HPSE2: variants seen among roughly 807,000 people sequenced by gnomAD.
HPSE2 encodes heparanase 2 (inactive), also known as inactive heparanase-2.
In HPSE2, 38 loss-of-function variants were observed where a neutral mutation model predicts 60.5. The observed-to-expected ratio is 0.63, with a 90% CI of 0.48 to 0.82. The LOEUF is 0.82. Ranked by LOEUF, HPSE2 falls within the 40% of genes least tolerant of loss-of-function variation. The pLI is 0.00. For missense variants in HPSE2, 713 were observed against 740.4 expected (o/e 0.96, Z 0.43); for synonymous variants, 295 against 293.2 (o/e 1.01, Z -0.06).
intron 9 of HPSE2, among the ~76,000 whole-genome samples, chr10:98,567,387 G>A (rs778993005): frequency 6.6e-6 from 1 of 152,154 alleles, no homozygotes; most frequent in Non-Finnish European, 1.5e-5. Context: ...CATATGAGGT[G>A]AGAGATTTGG....
intron 9 of HPSE2, among the ~76,000 whole-genome samples, chr10:98,610,279 A>G (rs955514622): frequency 6.6e-6 from 1 of 152,112 alleles, no homozygotes; most frequent in Non-Finnish European, 1.5e-5. Flanking sequence ...TGTCTCTAAC[A>G]CTTTGGAGGG....
At chr10:98,775,053 G>C (rs1030344286) in intron 3 of HPSE2, among the ~76,000 whole-genome samples, 1 of 152,156 alleles carries the variant, frequency 6.6e-6, no homozygotes, top group Non-Finnish European at 1.5e-5. Flanking sequence ...CTGAGTCCTG[G>C]CTCTTTTCTC....
At chr10:99,110,913 G>A (rs140060488) in intron 3 of HPSE2, among the ~76,000 whole-genome samples, 1 of 152,196 alleles carries the variant, frequency 6.6e-6, no homozygotes, top group East Asian at 1.9e-4. Flanking sequence ...TTAGGTCTAT[G>A]ATCCATTTTA....
intron 9 of HPSE2, among the ~76,000 whole-genome samples, chr10:98,597,378 T>G (rs1212350499): frequency 6.6e-6 from 1 of 152,008 alleles, no homozygotes; most frequent in East Asian, 1.9e-4. Context: ...AATTAAAAAA[T>G]TTGTGGCCAT....
intron 4 of HPSE2, among the ~76,000 whole-genome samples, chr10:98,723,917 T>C (rs1450537723): frequency 6.6e-6 from 1 of 152,218 alleles, no homozygotes; most frequent in Non-Finnish European, 1.5e-5. Flanking sequence ...AAAAACCAGC[T>C]CCTGGATTCA....
intron 9 of HPSE2, among the ~76,000 whole-genome samples, chr10:98,599,334 C>T (rs1271103790): frequency 6.6e-6 from 1 of 152,178 alleles, no homozygotes; most frequent in Non-Finnish European, 1.5e-5. Flanking sequence ...TTGAACGGTG[C>T]TATCCTGATG....
chr10:98,655,828 A>G (rs1039852819), intron 6 of HPSE2, among the ~76,000 whole-genome samples: 8 of 152,270 alleles, frequency 5.3e-5, no homozygotes, highest in African/African-American at 1.9e-4. Context: ...GGCACATGTG[A>G]TACACATGTG....
intron 7 of HPSE2, among the ~76,000 whole-genome samples, chr10:98,622,354 G>C (rs1020302161): frequency 1.1e-4 from 17 of 152,288 alleles, no homozygotes; most frequent in African/African-American, 4.1e-4. Flanking sequence ...GATTATATAA[G>C]AGAGAGGTGA....
At chr10:98,616,126 T>G (rs1319538768) in intron 8 of HPSE2, among the ~76,000 whole-genome samples, 2 of 151,962 alleles carry the variant, frequency 1.3e-5, no homozygotes, top group Admixed American at 6.5e-5. Context: ...TTTCTTCTCA[T>G]ATATTAATCT....
chr10:99,149,624 A>C (rs1365707814), intron 2 of HPSE2, among the ~76,000 whole-genome samples: 1 of 152,222 alleles, frequency 6.6e-6, no homozygotes, highest in African/African-American at 2.4e-5. Flanking sequence ...CAGATGTTTC[A>C]GTGGTTGTCA....
intron 5 of HPSE2, among the ~76,000 whole-genome samples, chr10:98,709,949 T>C (rs1948636511): frequency 6.6e-6 from 1 of 152,186 alleles, no homozygotes; most frequent in African/African-American, 2.4e-5. Flanking sequence ...ACTGAGTACA[T>C]ACTTTAATAA....
intron 2 of HPSE2, among the ~76,000 whole-genome samples, chr10:99,208,027 A>C (rs933019213): frequency 2.7e-5 from 4 of 148,650 alleles, no homozygotes; most frequent in Non-Finnish European, 5.9e-5. Context: ...GTATAATTAT[A>C]TTATAATATA....
At chr10:98,988,164 C>G (rs1409286256) in intron 3 of HPSE2, among the ~76,000 whole-genome samples, 1 of 152,086 alleles carries the variant, frequency 6.6e-6, no homozygotes, top group Admixed American at 6.5e-5. Context: ...CATATGGAAC[C>G]AAAAAAGAGT....
At chr10:98,753,857 C>A (rs1171421853) in intron 3 of HPSE2, among the ~76,000 whole-genome samples, 1 of 152,150 alleles carries the variant, frequency 6.6e-6, no homozygotes, top group Non-Finnish European at 1.5e-5. Context: ...AAACCCTATC[C>A]AAATGACAGT....
chr10:98,980,447 A>G (rs1440702883), intron 3 of HPSE2, among the ~76,000 whole-genome samples: 1 of 152,218 alleles, frequency 6.6e-6, no homozygotes, highest in Non-Finnish European at 1.5e-5. Context: ...GCAGATTAAG[A>G]GAAACTCCAG....
In HPSE2 at chr10:98,617,755, C is replaced by T. The variant is rs149477063; in HGVS notation, c.1206-2737G>A. Among the ~76,000 whole-genome samples the T allele has an allele frequency of 2.6e-5, 4 of 152,304 alleles. No individual in the cohort carries two copies. The East Asian group carries it at 7.7e-4, about 29-fold the overall frequency. On this transcript the variant is annotated intron_variant, in intron 8 of 11. Transcript: ENST00000370552. ...TACCCTGCCATTATTTTCCACTCCACTAAAGGTGAATATCTACTATGTACC... is the reference window on the plus strand; with the variant it reads ...TACCCTGCCATTATTTTCCACTCCATTAAAGGTGAATATCTACTATGTACC...
intron 3 of HPSE2, among the ~76,000 whole-genome samples, chr10:99,009,477 C>T (rs1475092952): frequency 1.3e-5 from 2 of 152,074 alleles, no homozygotes; most frequent in African/African-American, 4.8e-5. Context: ...CATTCAGTCT[C>T]CCTCCAGAGC....
At chr10:98,467,722 T>G (rs1446335026) in intron 11 of HPSE2, among the ~76,000 whole-genome samples, 1 of 152,180 alleles carries the variant, frequency 6.6e-6, no homozygotes, top group African/African-American at 2.4e-5. Flanking sequence ...CACTCCAGTC[T>G]CAGGAAGGCC....
At chr10:98,640,720 C>A (rs2134033468) in intron 7 of HPSE2, among the ~76,000 whole-genome samples, 1 of 152,174 alleles carries the variant, frequency 6.6e-6, no homozygotes, top group Non-Finnish European at 1.5e-5. Context: ...GTCCCCATTC[C>A]CTGGAAAAGA....
Sources: allele counts gnomAD v4.1 joint callset (sites outside exome capture counted in the v4.1 genomes callset), GRCh38; gene constraint gnomAD v4.1.1; transcripts MANE v1.5; gene names NCBI Gene and HGNC (gene_info 2026-07-23, HGNC 2026-07-21).